Variants in GRXCR1 observed in about 807,000 individuals in gnomAD.
GRXCR1 encodes the protein glutaredoxin domain-containing cysteine-rich protein 1.
A neutral mutation model predicts 27.3 loss-of-function variants in GRXCR1; 27 were observed. That is an observed-to-expected ratio of 0.99 (90% CI 0.73 to 1.37). The LOEUF (loss-of-function observed/expected upper bound fraction) is 1.37, where lower values mean the gene tolerates loss of function less well. Ranked by LOEUF, GRXCR1 falls within the 40% of genes most tolerant of loss-of-function variation. GRXCR1 has a pLI of 0.00. For synonymous variants in GRXCR1, 122 were observed against 131.1 expected, an observed-to-expected ratio of 0.93 and a Z score of 0.47; for missense variants, 379 against 354.4, an observed-to-expected ratio of 1.07 and a Z score of -0.56.
chr4:42,896,904 C>T (rs557625209), intron 1 of GRXCR1, among the ~76,000 whole-genome samples: 2 of 152,126 alleles, frequency 1.3e-5, no homozygotes, highest in Non-Finnish European at 2.9e-5. Context: ...AGCCATGTTT[C>T]CCATGAATAT....
intron 2 of GRXCR1, among the ~76,000 whole-genome samples, chr4:42,977,525 T>A (rs1174953421): frequency 6.6e-6 from 1 of 152,042 alleles, no homozygotes; most frequent in African/African-American, 2.4e-5. Flanking sequence ...AGGTGAACTC[T>A]TAATGTGGTT....
intron 1 of GRXCR1, among the ~76,000 whole-genome samples, chr4:42,905,265 C>A (rs1746559598): frequency 6.6e-6 from 1 of 152,342 alleles, no homozygotes; most frequent in Non-Finnish European, 1.5e-5. Context: ...CTCAGCCAGC[C>A]ACCCACATGC....
At position 42,893,025 on chromosome 4, in the gene GRXCR1, T is replaced by G. The variant is rs1361797168; in HGVS notation, c.-242T>G. On this transcript the variant is annotated 5_prime_UTR_variant, in exon 1 of 4. It removes the in-frame stop codon of an upstream open reading frame in the 5' UTR. Transcript: ENST00000399770. ...GAGTCCACCATGGCTATTTAATATT[T>G]AAAGGCTGAGATCATTTTGCGGGTT... 3.3e-5 allele frequency among the ~76,000 whole-genome samples: 5 copies of G among 152,148 alleles called. No homozygotes were observed. The highest frequency in any genetic ancestry group is 2.0e-4 in the Admixed American group (3 of 15,268).
At chr4:42,915,721 C>A (rs891588585) in intron 1 of GRXCR1, among the ~76,000 whole-genome samples, 4 of 152,052 alleles carry the variant, frequency 2.6e-5, no homozygotes, top group Non-Finnish European at 5.9e-5. Context: ...AGTCATAGCC[C>A]AGTCCCATTT....
chr4:42,902,684 G>A (rs189867433), intron 1 of GRXCR1, among the ~76,000 whole-genome samples: 18 of 152,238 alleles, frequency 1.2e-4, no homozygotes, highest in African/African-American at 3.1e-4. Context: ...GGCATTTCAG[G>A]GGTGGAGTGG....
At chr4:42,973,392 G>A (rs1404060738) in intron 2 of GRXCR1, among the ~76,000 whole-genome samples, 1 of 151,856 alleles carries the variant, frequency 6.6e-6, no homozygotes, top group Non-Finnish European at 1.5e-5. Context: ...CCAAACAGAA[G>A]TTCCATTGCC....
intron 3 of GRXCR1, among the ~76,000 whole-genome samples, chr4:43,023,424 T>C (rs1462441891): frequency 1.3e-5 from 2 of 152,168 alleles, no homozygotes. Flanking sequence ...GCACCAAGAA[T>C]CTTATCATAT....
chr4:42,990,214 C>T (rs1471144375), intron 2 of GRXCR1, among the ~76,000 whole-genome samples: 4 of 54,578 alleles, frequency 7.3e-5, no homozygotes, highest in Admixed American at 3.8e-4. Flanking sequence ...TTTTTTGAGA[C>T]GGAGTCTCGC....
intron 1 of GRXCR1, among the ~76,000 whole-genome samples, chr4:42,942,455 G>A (rs572988169): frequency 3.9e-4 from 59 of 152,154 alleles, no homozygotes; most frequent in African/African-American, 1.2e-3. Context: ...AAAAGAAAGT[G>A]ACAGTCTCAT....
chr4:42,989,279 T>C (rs746656225), intron 2 of GRXCR1, among the ~76,000 whole-genome samples: 2 of 152,158 alleles, frequency 1.3e-5, no homozygotes, highest in Non-Finnish European at 2.9e-5. Flanking sequence ...GGTGGCTGCC[T>C]TCTTGGGGTG....
chr4:43,004,007 C>T (rs963411954), intron 2 of GRXCR1, among the ~76,000 whole-genome samples: 2 of 152,212 alleles, frequency 1.3e-5, no homozygotes, highest in African/African-American at 2.4e-5. Context: ...ACTGACTGCC[C>T]CTCATAACAT....
chr4:42,978,352 T>G (rs1402648716), intron 2 of GRXCR1, among the ~76,000 whole-genome samples: 3 of 152,050 alleles, frequency 2.0e-5, no homozygotes, highest in African/African-American at 7.2e-5. Context: ...AAAATATCAT[T>G]GGTATTTTGA....
chr4:42,936,807 ATG>A (rs374768041), intron 1 of GRXCR1, among the ~76,000 whole-genome samples: 10 of 151,976 alleles, frequency 6.6e-5, no homozygotes, highest in African/African-American at 2.2e-4. Context: ...GATTATGGTT[ATG>A]TGTCTTGGAA....
At chr4:42,933,012 G>A (rs1283830900) in intron 1 of GRXCR1, among the ~76,000 whole-genome samples, 2 of 151,940 alleles carry the variant, frequency 1.3e-5, no homozygotes, top group African/African-American at 4.8e-5. Flanking sequence ...CAGATAAGGA[G>A]ACACTACCAC....
chr4:43,029,488 C>A (rs371153365), intron 3 of GRXCR1, among the ~76,000 whole-genome samples: 1 of 152,114 alleles, frequency 6.6e-6, no homozygotes, highest in African/African-American at 2.4e-5. Flanking sequence ...TGTAATGGCA[C>A]CTAATCTCCC....
chr4:42,905,193 G>T (rs763490265), intron 1 of GRXCR1, among the ~76,000 whole-genome samples: 1 of 152,118 alleles, frequency 6.6e-6, no homozygotes, highest in Non-Finnish European at 1.5e-5. Context: ...ATTAACTTCC[G>T]TGTCTATTTG....
intron 1 of GRXCR1, among the ~76,000 whole-genome samples, chr4:42,915,940 T>C (rs992973081): frequency 1.3e-5 from 2 of 152,124 alleles, no homozygotes; most frequent in Non-Finnish European, 2.9e-5. Context: ...ACATCTAAAC[T>C]TAGAGTTACA....
chr4:42,903,084 A>T (rs981988966), intron 1 of GRXCR1, among the ~76,000 whole-genome samples: 2 of 152,282 alleles, frequency 1.3e-5, no homozygotes, highest in African/African-American at 4.8e-5. Context: ...TGAAACCCAG[A>T]GGCTACAACC....
At chr4:42,979,982 T>C (rs528636340) in intron 2 of GRXCR1, among the ~76,000 whole-genome samples, 1 of 152,176 alleles carries the variant, frequency 6.6e-6, no homozygotes, top group South Asian at 2.1e-4. Context: ...TTATGACCAT[T>C]TGTATTTCTC....
Sources: gnomAD v4.1 joint callset for allele counts (sites outside exome capture counted in the v4.1 genomes callset) on GRCh38, gnomAD v4.1.1 for gene constraint, MANE v1.5 for transcripts, NCBI Gene and HGNC (gene_info 2026-07-23, HGNC 2026-07-21) for gene names.